ARHGEF28: variants seen among roughly 807,000 people sequenced by gnomAD.
ARHGEF28 encodes the protein 190 kDa guanine nucleotide exchange factor.
Under a neutral mutation model 206.6 loss-of-function variants are expected in ARHGEF28, and 152 were observed. The ratio of observed to expected loss-of-function variants is 0.74; its 90% CI spans 0.64 to 0.84. ARHGEF28 has a LOEUF of 0.84. Among genes scored for constraint, ARHGEF28 ranks in the 40% least tolerant of loss-of-function variants. The pLI is 0.00. For missense variants in ARHGEF28, 2,028 were observed against 2,073.2 expected (o/e 0.98, Z 0.42); for synonymous variants, 763 against 776.4 (o/e 0.98, Z 0.29).
chr5:73,927,473 A>G lies in ARHGEF28; in HGVS notation c.4949-13371A>G, dbSNP rs190652806. Among the ~76,000 whole-genome samples, 619 of 152,306 alleles carry G rather than the reference A, an allele frequency of 4.1e-3. 3 individuals are homozygous for G. The highest frequency in any genetic ancestry group is 0.014 in the African/African-American group (594 of 41,564). ...TTGCTATATATCATTTGTATGCACT[A>G]AACAATTTAAAGTCATCTCCCATAG... On this transcript the variant is annotated intron_variant, in intron 35 of 35. Transcript: ENST00000513042.
intron 26 of ARHGEF28, among the ~76,000 whole-genome samples, chr5:73,889,857 G>A (rs775657962): frequency 2.6e-4 from 40 of 152,348 alleles, no homozygotes; most frequent in Non-Finnish European, 1.6e-4. Flanking sequence ...GCTATAGCCA[G>A]TGTTTTAAAA....
chr5:73,889,741 T>C (rs1238237259), intron 26 of ARHGEF28, among the ~76,000 whole-genome samples: 2 of 152,198 alleles, frequency 1.3e-5, no homozygotes, highest in African/African-American at 2.4e-5. Context: ...AGAAATGTGA[T>C]TGAGTGAATG....
intron 2 of ARHGEF28, among the ~76,000 whole-genome samples, chr5:73,721,678 T>C (rs1402685806): frequency 6.6e-6 from 1 of 152,088 alleles, no homozygotes; most frequent in African/African-American, 2.4e-5. Flanking sequence ...GCTCAAGGGA[T>C]CCTCCCACCT....
chr5:73,725,933 C>T (rs1474261031), intron 2 of ARHGEF28, among the ~76,000 whole-genome samples: 1 of 152,178 alleles, frequency 6.6e-6, no homozygotes, highest in Non-Finnish European at 1.5e-5. Flanking sequence ...CAGGGCTCAA[C>T]TGCAAGACAT....
intron 22 of ARHGEF28, among the ~76,000 whole-genome samples, chr5:73,881,532 T>A (rs1171320518): frequency 6.6e-6 from 1 of 152,236 alleles, no homozygotes; most frequent in Non-Finnish European, 1.5e-5. Context: ...ACCCAGGTGA[T>A]TTTTTTGAAT....
intron 2 of ARHGEF28, among the ~76,000 whole-genome samples, chr5:73,738,975 A>G (rs758113146): frequency 2.0e-5 from 3 of 152,228 alleles, no homozygotes. Flanking sequence ...TGTTTGAGAC[A>G]TGAACCATAA....
chr5:73,766,858 C>T (rs1463510805), intron 4 of ARHGEF28, among the ~76,000 whole-genome samples: 1 of 152,168 alleles, frequency 6.6e-6, no homozygotes, highest in African/African-American at 2.4e-5. Flanking sequence ...TCCATTCCTA[C>T]CTATAAACCC....
chr5:73,936,560 A>C (rs988786006), intron 35 of ARHGEF28, among the ~76,000 whole-genome samples: 8 of 152,208 alleles, frequency 5.3e-5, no homozygotes, highest in Admixed American at 5.2e-4. Context: ...AAAATTTCAC[A>C]CATAACATGA....
intron 1 of ARHGEF28, among the ~76,000 whole-genome samples, chr5:73,648,980 T>C (rs544860688): frequency 3.3e-5 from 5 of 152,376 alleles, no homozygotes; most frequent in Admixed American, 3.3e-4. Flanking sequence ...TAGCAGTCAC[T>C]GCCATCACCA....
At chr5:73,800,149 A>G (rs1352586088) in intron 9 of ARHGEF28, among the ~76,000 whole-genome samples, 2 of 152,170 alleles carry the variant, frequency 1.3e-5, no homozygotes, top group African/African-American at 4.8e-5. Context: ...TATATTTCCT[A>G]CCAGCATTTT....
intron 4 of ARHGEF28, among the ~76,000 whole-genome samples, chr5:73,764,316 A>G (rs765647890): frequency 7.2e-5 from 11 of 152,234 alleles, no homozygotes; most frequent in Admixed American, 3.3e-4. Context: ...TGGTGGCTAT[A>G]TGCATAATTT....
intron 35 of ARHGEF28, among the ~76,000 whole-genome samples, chr5:73,913,125 G>T (rs919538591): frequency 2.6e-5 from 4 of 152,182 alleles, no homozygotes; most frequent in African/African-American, 9.6e-5. Context: ...CCACATGTAA[G>T]GAATTAGAGC....
intron 6 of ARHGEF28, among the ~76,000 whole-genome samples, chr5:73,777,249 CT>C (rs202212967): frequency 0.064 from 9,480 of 147,328 alleles, 597 homozygotes; most frequent in East Asian, 0.18. Flanking sequence ...CTTTATCTCT[CT>C]TTTTTTTTTT....
intron 1 of ARHGEF28, chr5:73,627,108 A>T (rs780929727): frequency 6.6e-6 from 1 of 152,192 alleles, no homozygotes; most frequent in East Asian, 1.9e-4. Flanking sequence ...GAAAGAATCC[A>T]TCTCTATAGG....
At chr5:73,804,847 G>A (rs1198528146) in intron 9 of ARHGEF28, among the ~76,000 whole-genome samples, 1 of 152,166 alleles carries the variant, frequency 6.6e-6, no homozygotes, top group African/African-American at 2.4e-5. Context: ...ACCTGGCTGA[G>A]GTAGTGTTGG....
At chr5:73,934,658 G>A (rs771391940) in intron 35 of ARHGEF28, among the ~76,000 whole-genome samples, 83 of 152,142 alleles carry the variant, frequency 5.5e-4, no homozygotes, top group Non-Finnish European at 9.4e-4. Context: ...TATGTTACAT[G>A]GAACACAACG....
chr5:73,697,948 A>G (rs184419472), intron 2 of ARHGEF28, among the ~76,000 whole-genome samples: 22 of 152,294 alleles, frequency 1.4e-4, no homozygotes, highest in Admixed American at 3.3e-4. Context: ...TTAAGTTTCA[A>G]ATACTAAGTG....
intron 1 of ARHGEF28, among the ~76,000 whole-genome samples, chr5:73,664,143 C>A (rs1347300807): frequency 6.6e-6 from 1 of 152,242 alleles, no homozygotes; most frequent in Non-Finnish European, 1.5e-5. Context: ...TCCCTCCTTA[C>A]TGCTCCACCT....
chr5:73,747,802 TA>T, intron 2 of ARHGEF28, among the ~76,000 whole-genome samples: 1 of 152,188 alleles, frequency 6.6e-6, no homozygotes, highest in Non-Finnish European at 1.5e-5. Flanking sequence ...TTCACTAGTG[TA>T]AAGCATGGCA....
Sources: allele counts gnomAD v4.1 joint callset (sites outside exome capture counted in the v4.1 genomes callset), GRCh38; gene constraint gnomAD v4.1.1; transcripts MANE v1.5; gene names NCBI Gene and HGNC (gene_info 2026-07-23, HGNC 2026-07-21).